The following RSRC1 variants were observed in gnomAD, a reference collection of about 807,000 sequenced individuals.
RSRC1 encodes the protein arginine and serine rich coiled-coil 1.
RSRC1 carries 39 observed loss-of-function variants against 49.1 expected under a neutral mutation model. The ratio of observed to expected loss-of-function variants is 0.79; its 90% CI spans 0.61 to 1.04. RSRC1 has a LOEUF of 1.04. Ranked by LOEUF, RSRC1 falls within the 50% of genes least tolerant of loss-of-function variation. RSRC1 has a pLI of 0.00. For missense variants in RSRC1, 388 were observed against 402.4 expected, an observed-to-expected ratio of 0.96 and a Z score of 0.31; for synonymous variants, 143 against 130.8, an observed-to-expected ratio of 1.09 and a Z score of -0.63.
intron 4 of RSRC1, among the ~76,000 whole-genome samples, chr3:158,275,641 A>G (rs1399896671): frequency 1.3e-5 from 2 of 152,266 alleles, no homozygotes; most frequent in African/African-American, 4.8e-5. Flanking sequence ...ATTAGAAACA[A>G]GACACACCAT....
At chr3:158,419,448 A>T (rs1300189893) in intron 6 of RSRC1, among the ~76,000 whole-genome samples, 1 of 151,958 alleles carries the variant, frequency 6.6e-6, no homozygotes, top group Non-Finnish European at 1.5e-5. Context: ...ATTTGCAACC[A>T]GAAACTTGAG....
rs574975625 is a variant in RSRC1 at position 158,276,044 on chromosome 3, A to G, written c.495-21995A>G. On this transcript the variant is annotated intron_variant, in intron 4 of 9. Transcript: ENST00000611884. ...ATGAGGATAGCCTCAAAAAATTTCT[A>G]TGTGGGATCTTCACCAACCCAGTAA... 5.7e-5 allele frequency: 49 copies of G among 854,992 alleles called. 1 individual carries two copies. Among genetic ancestry groups the G allele is most frequent in the South Asian group, 1.2e-4 (9 of 76,876 alleles). The allele number at this position is 854,992 out of a possible 1,614,324, so 53.0% of individuals were successfully genotyped here. A position where few individuals can be genotyped will look rare whatever the true frequency, so the allele number is the denominator to read the frequency against.
intron 6 of RSRC1, among the ~76,000 whole-genome samples, chr3:158,457,671 A>G (rs1419332332): frequency 1.3e-5 from 2 of 151,918 alleles, no homozygotes; most frequent in Non-Finnish European, 2.9e-5. Flanking sequence ...TTAGGAGAGC[A>G]TTTCCAGAAA....
At chr3:158,131,096 G>T (rs9881063) in intron 3 of RSRC1, among the ~76,000 whole-genome samples, 110,254 of 151,476 alleles carry the variant, frequency 0.73, 41,164 homozygotes, top group African/African-American at 0.89. Context: ...AGTCTTTGGC[G>T]TTAATTTTTT....
At chr3:158,435,453 G>C (rs1735994905) in intron 6 of RSRC1, among the ~76,000 whole-genome samples, 1 of 151,636 alleles carries the variant, frequency 6.6e-6, no homozygotes, top group African/African-American at 2.4e-5. Flanking sequence ...AATTTGTTGT[G>C]TATGAGGAAA....
chr3:158,258,180 T>G (rs982184744), intron 4 of RSRC1, among the ~76,000 whole-genome samples: 4 of 151,584 alleles, frequency 2.6e-5, no homozygotes, highest in Non-Finnish European at 5.9e-5. Context: ...AATGCCCTTT[T>G]CTTTCAAATT....
chr3:158,414,799 AT>A (rs2108327494), intron 6 of RSRC1, among the ~76,000 whole-genome samples: 1 of 152,012 alleles, frequency 6.6e-6, no homozygotes, highest in South Asian at 2.1e-4. Context: ...CTTACAATTA[AT>A]TCTTACATTT....
intron 5 of RSRC1, among the ~76,000 whole-genome samples, chr3:158,327,419 C>G (rs1317540423): frequency 6.6e-6 from 1 of 152,328 alleles, no homozygotes; most frequent in East Asian, 1.9e-4. Context: ...CCCAGAGATT[C>G]TGGTATGTTG....
chr3:158,393,918 C>T (rs1310169436), intron 6 of RSRC1, among the ~76,000 whole-genome samples: 2 of 152,042 alleles, frequency 1.3e-5, no homozygotes, highest in African/African-American at 2.4e-5. Flanking sequence ...AAAATACTAG[C>T]AAATGGAATC....
chr3:158,409,032 GAAT>G (rs751686079), intron 6 of RSRC1, among the ~76,000 whole-genome samples: 4 of 151,322 alleles, frequency 2.6e-5, no homozygotes, highest in Admixed American at 1.3e-4. Context: ...GATTCCGTCT[GAAT>G]AATAATAATA....
intron 4 of RSRC1, among the ~76,000 whole-genome samples, chr3:158,211,260 C>T (rs950635725): frequency 6.6e-6 from 1 of 151,986 alleles, no homozygotes; most frequent in Admixed American, 6.6e-5. Context: ...CCTTCAAATT[C>T]TGACTCATTA....
In RSRC1 at chr3:158,445,766, T is replaced by A. The variant is rs1232068561; in HGVS notation, c.584-15169T>A. Among the ~76,000 whole-genome samples, 3 of 152,216 alleles carry A rather than the reference T, an allele frequency of 2.0e-5. No homozygotes were observed. The East Asian group carries it at 5.8e-4, about 29-fold the overall frequency. On this transcript the variant is annotated intron_variant, in intron 6 of 9. Coordinates refer to ENST00000611884, the MANE Select transcript of RSRC1 (RefSeq NM_001271838.2). ...GCAAATCTAAACAGGCCAATGATTA[T>A]TAATAGACTATATTCTTTGATCCTT...
Position 158,131,871 on chromosome 3 carries a change from GTAATA to G in RSRC1, c.320+7885_320+7889del, listed in dbSNP as rs567221966. ...AACAAATATTTATTAATTTGAAAAAGTAATATAATTTTAGAAAATGCATTTATCTA... is the reference window on the plus strand; with the variant it reads ...AACAAATATTTATTAATTTGAAAAAGTAATTTTAGAAAATGCATTTATCTA... On this transcript the variant is annotated intron_variant, in intron 3 of 9. Coordinates refer to ENST00000611884, the MANE Select transcript of RSRC1 (RefSeq NM_001271838.2). 2.8e-3 allele frequency among the ~76,000 whole-genome samples: 427 copies of G among 152,174 alleles called. 5 individuals are homozygous for G. The highest frequency in any genetic ancestry group is 9.8e-3 in the African/African-American group (407 of 41,500).
rs539452464 is a variant in RSRC1, at chr3:158,398,856, T to G, written c.583+43948T>G. Among the ~76,000 whole-genome samples, 3 of 152,260 alleles carry G rather than the reference T, an allele frequency of 2.0e-5. No individual in the cohort carries two copies. In the South Asian group the frequency reaches 6.2e-4, roughly 32 times the overall value. On this transcript the variant is annotated intron_variant, in intron 6 of 9. Transcript: ENST00000611884. ...AGCAAGTATTCAGTACATTTGTGAA[T>G]GTCTTGACAGAGAAGGAGTCTGTGG...
chr3:158,460,967 A>G lies in RSRC1; in HGVS notation c.616A>G (p.Arg206Gly). The G allele has an allele frequency of 6.3e-7, 1 of 1,599,778 alleles. No individual in the cohort carries two copies. The highest frequency in any genetic ancestry group is 8.5e-7 in the Non-Finnish European group (1 of 1,171,446). Residue 206 changes from arginine (R) to glycine (G), a missense_variant, in exon 7 of 10, where the codon AGA (arginine) becomes GGA (glycine). By Grantham distance (125) the Arg-to-Gly change is moderately radical (BLOSUM62 -2). Transcript: ENST00000611884. ...KADEALKAKE[R>G]NEEEAKRRKE... is the part of the protein sequence containing the mutation. ...TGATGAAGCATTGAAAGCCAAAGAA[A>G]GAAATGAGGAAGAAGCAAAGAGAAG...
chr3:158,183,346 CCT>C (rs1357929057), intron 3 of RSRC1, among the ~76,000 whole-genome samples: 11 of 151,344 alleles, frequency 7.3e-5, no homozygotes, highest in African/African-American at 2.4e-4. Flanking sequence ...TTTAAAATAA[CCT>C]CTTTTTCCTT....
At chr3:158,268,542 A>T (rs917367334) in intron 4 of RSRC1, among the ~76,000 whole-genome samples, 1 of 152,226 alleles carries the variant, frequency 6.6e-6, no homozygotes, top group Admixed American at 6.5e-5. Flanking sequence ...AGCCATAGCC[A>T]TAGGAGTGTC....
chr3:158,372,527 A>T (rs867355275), intron 6 of RSRC1, among the ~76,000 whole-genome samples: 1 of 151,906 alleles, frequency 6.6e-6, no homozygotes, highest in Non-Finnish European at 1.5e-5. Context: ...CTTTTACTCA[A>T]TACCAGCCTT....
intron 3 of RSRC1, among the ~76,000 whole-genome samples, chr3:158,198,980 G>C (rs1282913713): frequency 6.6e-6 from 1 of 152,144 alleles, no homozygotes; most frequent in Non-Finnish European, 1.5e-5. Context: ...GTTTGGCTCT[G>C]TGTCCCCACC....
Sources: gnomAD v4.1 joint callset for allele counts (sites outside exome capture counted in the v4.1 genomes callset) on GRCh38, gnomAD v4.1.1 for gene constraint, MANE v1.5 for transcripts, NCBI Gene and HGNC (gene_info 2026-07-23, HGNC 2026-07-21) for gene names.